The following RNF130 variants were observed in gnomAD, a reference collection of about 807,000 sequenced individuals.
RNF130 encodes ring finger protein 130.
RNF130 carries 21 observed loss-of-function variants against 44.6 expected under a neutral mutation model. That is an observed-to-expected ratio of 0.47 (90% CI 0.33 to 0.68). RNF130 has a LOEUF of 0.68. Among genes scored for constraint, RNF130 ranks in the 30% least tolerant of loss-of-function variants. The pLI is 0.02. For missense variants in RNF130, 479 were observed against 560.6 expected, an observed-to-expected ratio of 0.85 and a Z score of 1.47; for synonymous variants, 214 against 210.4, an observed-to-expected ratio of 1.02 and a Z score of -0.15.
At chr5:179,951,592 C>T (rs959152141), downstream of RNF130, among the ~76,000 whole-genome samples, 34 of 151,992 alleles carry the variant, frequency 2.2e-4, no homozygotes, top group Non-Finnish European at 5.0e-4. Context: ...ACCGTGTTGG[C>T]CAGGATGGTC....
At chr5:180,021,239 C>T (rs554647006) in intron 2 of RNF130, among the ~76,000 whole-genome samples, 16 of 152,152 alleles carry the variant, frequency 1.1e-4, no homozygotes, top group Non-Finnish European at 1.8e-4. Context: ...CCGCCTGCCT[C>T]GGCCTCCCAA....
At chr5:179,962,732 A>G (rs1273258691) in intron 8 of RNF130, among the ~76,000 whole-genome samples, 1 of 152,084 alleles carries the variant, frequency 6.6e-6, no homozygotes, top group African/African-American at 2.4e-5. Flanking sequence ...ATCTAGCCCA[A>G]TCCTCCATCC....
downstream of RNF130, among the ~76,000 whole-genome samples, chr5:179,954,594 T>C (rs1450830923): frequency 6.6e-6 from 1 of 152,098 alleles, no homozygotes; most frequent in Non-Finnish European, 1.5e-5. Flanking sequence ...GAGTATGAGG[T>C]TTTTTACGGG....
chr5:180,031,431 G>A (rs1230513052), intron 2 of RNF130, among the ~76,000 whole-genome samples: 3 of 152,038 alleles, frequency 2.0e-5, no homozygotes, highest in Admixed American at 6.5e-5. Context: ...AGGTTGCAGT[G>A]AACCAAGATC....
chr5:179,964,003 G>C (rs1762387432), intron 7 of RNF130: 1 of 165,408 alleles, frequency 6.0e-6, no homozygotes, highest in Non-Finnish European at 1.3e-5. Flanking sequence ...GAGGAGCACG[G>C]AGCAGCAGTT....
At chr5:179,983,333 C>CTTTTTT (rs35802224) in intron 3 of RNF130, among the ~76,000 whole-genome samples, 2 of 108,402 alleles carry the variant, frequency 1.8e-5, no homozygotes, top group East Asian at 2.7e-4. Context: ...TACAGATGAA[C>CTTTTTT]TTTTTTTTTT....
chr5:179,954,771 G>A (rs914478795), downstream of RNF130, among the ~76,000 whole-genome samples: 1 of 152,154 alleles, frequency 6.6e-6, no homozygotes, highest in Non-Finnish European at 1.5e-5. Flanking sequence ...CATGACTACT[G>A]GAGTGAACCC....
chr5:179,947,561 C>T (rs1008980513), intron 7 of RNF130, among the ~76,000 whole-genome samples: 2 of 152,198 alleles, frequency 1.3e-5, no homozygotes, highest in African/African-American at 4.8e-5. Context: ...CTGCTACTTA[C>T]CAGCAGGGCA....
At chr5:179,978,761 T>C (rs1195222923) in intron 4 of RNF130, among the ~76,000 whole-genome samples, 1 of 152,116 alleles carries the variant, frequency 6.6e-6, no homozygotes, top group East Asian at 1.9e-4. Flanking sequence ...ACCCCAAGAA[T>C]GGGAGCTGTG....
chr5:180,054,666 T>C (rs1489588724), intron 1 of RNF130, among the ~76,000 whole-genome samples: 2 of 152,238 alleles, frequency 1.3e-5, no homozygotes, highest in Non-Finnish European at 2.9e-5. Context: ...GTGAATTCTC[T>C]TAATTTTATT....
chr5:180,050,205 T>C (rs1368633166), intron 1 of RNF130, among the ~76,000 whole-genome samples: 1 of 152,242 alleles, frequency 6.6e-6, no homozygotes, highest in Admixed American at 6.5e-5. Context: ...CTGGCAATTA[T>C]GGAGACAGAC....
intron 1 of RNF130, among the ~76,000 whole-genome samples, chr5:180,055,624 T>C (rs1420764838): frequency 1.3e-5 from 2 of 152,222 alleles, no homozygotes; most frequent in African/African-American, 2.4e-5. Flanking sequence ...AACAGTATAA[T>C]AGCCATACAC....
chr5:180,057,432 C>T (rs956800471), intron 1 of RNF130, among the ~76,000 whole-genome samples: 7 of 152,162 alleles, frequency 4.6e-5, no homozygotes, highest in African/African-American at 1.7e-4. Context: ...GCCTGTAATT[C>T]CAGCTACTAG....
chr5:180,053,825 C>T (rs12655422), intron 1 of RNF130, among the ~76,000 whole-genome samples: 1 of 133,186 alleles, frequency 7.5e-6, no homozygotes, highest in Non-Finnish European at 1.7e-5. Flanking sequence ...CAAATACATT[C>T]TTTTTTTTTT....
chr5:179,993,295 CCA>C (rs1243644983), intron 3 of RNF130, among the ~76,000 whole-genome samples: 1 of 152,208 alleles, frequency 6.6e-6, no homozygotes, highest in Non-Finnish European at 1.5e-5. Flanking sequence ...TGAGGAATCA[CCA>C]CACTGTCTTC....
At chr5:179,959,166 TA>T (rs1762273195) in intron 8 of RNF130, among the ~76,000 whole-genome samples, 1 of 152,294 alleles carries the variant, frequency 6.6e-6, no homozygotes, top group South Asian at 2.1e-4. Flanking sequence ...AGGCATTCAA[TA>T]AACAGTAGTT....
chr5:179,990,402 T>C (rs868108407), intron 3 of RNF130, among the ~76,000 whole-genome samples: 33 of 152,216 alleles, frequency 2.2e-4, no homozygotes, highest in African/African-American at 7.7e-4. Flanking sequence ...AATTTTGCTA[T>C]TGCTATCTAG....
At chr5:179,976,531 A>G (rs1418881750) in intron 5 of RNF130, among the ~76,000 whole-genome samples, 3 of 152,166 alleles carry the variant, frequency 2.0e-5, no homozygotes, top group Non-Finnish European at 2.9e-5. Flanking sequence ...TAGACCGTCA[A>G]TGACTGCATG....
chr5:179,983,186 G>A (rs999231155), intron 3 of RNF130, among the ~76,000 whole-genome samples: 3 of 152,134 alleles, frequency 2.0e-5, no homozygotes, highest in African/African-American at 7.2e-5. Context: ...TTCATTGGTA[G>A]ACTGTGCTCT....
Sources: gnomAD v4.1 joint callset for allele counts (sites outside exome capture counted in the v4.1 genomes callset) on GRCh38, gnomAD v4.1.1 for gene constraint, MANE v1.5 for transcripts, NCBI Gene and HGNC (gene_info 2026-07-23, HGNC 2026-07-21) for gene names.